ARHGEF3: variants seen among roughly 807,000 people sequenced by gnomAD.
ARHGEF3 encodes the protein Rho guanine nucleotide exchange factor 3, also known as 59.8 kDA protein.
A neutral mutation model predicts 63.2 loss-of-function variants in ARHGEF3; 28 were observed. The ratio of observed to expected loss-of-function variants is 0.44; its 90% CI spans 0.33 to 0.61. The LOEUF (loss-of-function observed/expected upper bound fraction) is 0.61, where lower values mean the gene tolerates loss of function less well. Ranked by LOEUF, ARHGEF3 falls within the 20% of genes least tolerant of loss-of-function variation. The pLI is 0.03. For missense variants in ARHGEF3, 533 were observed against 659.3 expected, an observed-to-expected ratio of 0.81 and a Z score of 2.10; for synonymous variants, 266 against 254.2, an observed-to-expected ratio of 1.05 and a Z score of -0.44.
chr3:57,067,454 A>AAATAATAAT (rs10528636), intron 1 of ARHGEF3, among the ~76,000 whole-genome samples: 24,336 of 140,230 alleles, frequency 0.17, 2,377 homozygotes, highest in East Asian at 0.42. Flanking sequence ...CTCTGTCTCA[A>AAATAATAAT]AATAATAATA....
intron 3 of ARHGEF3, among the ~76,000 whole-genome samples, chr3:56,894,336 T>C (rs2041229273): frequency 6.6e-6 from 1 of 152,220 alleles, no homozygotes; most frequent in Non-Finnish European, 1.5e-5. Context: ...AGATGCTTAA[T>C]AAAATATTGT....
At chr3:56,960,413 G>A (rs1001017964) in intron 2 of ARHGEF3, among the ~76,000 whole-genome samples, 1 of 152,140 alleles carries the variant, frequency 6.6e-6, no homozygotes, top group Admixed American at 6.5e-5. Flanking sequence ...CTCTGAACAC[G>A]AGGCTTAATT....
At chr3:57,038,449 TTTTG>T (rs765107764) in intron 1 of ARHGEF3, among the ~76,000 whole-genome samples, 6 of 152,056 alleles carry the variant, frequency 3.9e-5, no homozygotes, top group Non-Finnish European at 7.4e-5. Flanking sequence ...CATACCATTG[TTTTG>T]TTTGTTTTTA....
intron 3 of ARHGEF3, among the ~76,000 whole-genome samples, chr3:56,917,125 A>C (rs2042010181): frequency 6.6e-6 from 1 of 152,044 alleles, no homozygotes; most frequent in African/African-American, 2.4e-5. Context: ...CTTATAAAAA[A>C]CCCAGACCTC....
intron 4 of ARHGEF3, among the ~76,000 whole-genome samples, chr3:56,864,863 A>C (rs547473415): frequency 3.3e-5 from 5 of 152,308 alleles, no homozygotes; most frequent in Admixed American, 3.3e-4. Flanking sequence ...ACATATAATA[A>C]AATTTCAAAG....
intron 1 of ARHGEF3, among the ~76,000 whole-genome samples, chr3:56,791,927 G>T (rs9825165): frequency 0.013 from 1,970 of 152,034 alleles, 49 homozygotes; most frequent in African/African-American, 0.044. Flanking sequence ...AAGGCTCAAA[G>T]GAGATAATGC....
intron 4 of ARHGEF3, among the ~76,000 whole-genome samples, chr3:56,843,249 G>A (rs1302818580): frequency 2.0e-5 from 3 of 151,962 alleles, no homozygotes; most frequent in African/African-American, 4.8e-5. Context: ...TTAAATTTCT[G>A]TAACTCCATT....
chr3:56,786,818 A>G (rs1226123393), intron 1 of ARHGEF3, among the ~76,000 whole-genome samples: 1 of 152,080 alleles, frequency 6.6e-6, no homozygotes, highest in Non-Finnish European at 1.5e-5. Context: ...TTCCAAAGAG[A>G]TAATGGGGAA....
chr3:56,729,720 G>T, intron 9 of ARHGEF3, 98 bp from the exon 10 acceptor site: 2 of 1,007,332 alleles, frequency 2.0e-6, no homozygotes, highest in Non-Finnish European at 2.9e-6. Context: ...AGAATCCATG[G>T]CAGGTATTGC....
chr3:56,908,265 G>A (rs142678633), intron 3 of ARHGEF3, among the ~76,000 whole-genome samples: 48 of 152,302 alleles, frequency 3.2e-4, no homozygotes, highest in African/African-American at 8.2e-4. Flanking sequence ...AAGTGCCTTC[G>A]AAACTAAGAA....
chr3:56,793,170 ATTT>A (rs34139761), intron 1 of ARHGEF3, among the ~76,000 whole-genome samples: 6 of 132,120 alleles, frequency 4.5e-5, no homozygotes, highest in Admixed American at 7.6e-5. Flanking sequence ...GGCCCAGATA[ATTT>A]TTTTTTTTTT....
At chr3:56,795,791 G>A (rs1371882857) in intron 1 of ARHGEF3, among the ~76,000 whole-genome samples, 2 of 151,738 alleles carry the variant, frequency 1.3e-5, no homozygotes, top group African/African-American at 2.4e-5. Context: ...ACAGGTGTGT[G>A]CCACCACGCC....
intron 3 of ARHGEF3, among the ~76,000 whole-genome samples, chr3:56,941,238 C>T (rs558309103): frequency 5.3e-5 from 8 of 152,186 alleles, no homozygotes; most frequent in African/African-American, 1.2e-4. Flanking sequence ...GGCAGAGTCT[C>T]GCTCTGTCGC....
At chr3:56,962,463 G>A (rs577224759) in intron 2 of ARHGEF3, among the ~76,000 whole-genome samples, 5 of 152,318 alleles carry the variant, frequency 3.3e-5, no homozygotes, top group South Asian at 2.1e-4. Context: ...CTCCTCATGT[G>A]AGCAGGCTGT....
At position 56,926,579 on chromosome 3, in the gene ARHGEF3, T is replaced by TA. The variant is rs575587699; in HGVS notation, c.129+32243dup. On this transcript the variant is annotated intron_variant, in intron 3 of 12. Coordinates refer to the ARHGEF3 transcript ENST00000338458. ...TTTCCAACTCCCTCTCCTGGCTGAG[T>TA]AAGAAGTGAAATAAGTCTGCCCTTC... is the stretch of plus-strand genomic sequence containing the variant. Among the ~76,000 whole-genome samples the TA allele has an allele frequency of 1.4e-3, 218 of 152,302 alleles. 1 individual carries two copies. The highest frequency in any genetic ancestry group is 5.0e-3 in the African/African-American group (208 of 41,560).
Position 56,751,410 on chromosome 3 carries a change from G to C in ARHGEF3, c.439-14C>G. ...GTCATGATAGGCCTGCACAAAAACGGCAAGAGATGGAAGCACATGTTTAAA... is the reference window on the plus strand; with the variant it reads ...GTCATGATAGGCCTGCACAAAAACGCCAAGAGATGGAAGCACATGTTTAAA... On this transcript the variant is annotated splice_polypyrimidine_tract_variant and intron_variant, in intron 4 of 9. Coordinates refer to ENST00000296315, the MANE Select transcript of ARHGEF3 (RefSeq NM_019555.3). The C allele has an allele frequency of 1.3e-6, 2 of 1,599,050 alleles. No homozygotes were observed. Among genetic ancestry groups the C allele is most frequent in the Non-Finnish European group, 1.7e-6 (2 of 1,166,438 alleles).
Position 56,745,532 on chromosome 3 carries a change from T to G in ARHGEF3, c.613-70A>C, listed in dbSNP as rs940814297. 11 of 1,554,290 alleles carry G rather than the reference T, an allele frequency of 7.1e-6. 1 individual carries two copies. Among genetic ancestry groups the G allele is most frequent in the Middle Eastern group, 1.9e-4 (1 of 5,304 alleles). On this transcript the variant is annotated intron_variant, in intron 6 of 9. Coordinates refer to ENST00000296315, the MANE Select transcript of ARHGEF3 (RefSeq NM_019555.3). ...GAGCTCTGAGGCTACGGTGGCATCA[T>G]TTATTGGGACTGAACAAACACCTAA...
intron 1 of ARHGEF3, among the ~76,000 whole-genome samples, chr3:56,800,363 G>C (rs918713607): frequency 6.6e-6 from 1 of 152,174 alleles, no homozygotes; most frequent in Non-Finnish European, 1.5e-5. Context: ...TGACCAACCT[G>C]AATTCTATGC....
chr3:56,854,366 G>A (rs2039795591), intron 4 of ARHGEF3, among the ~76,000 whole-genome samples: 1 of 152,196 alleles, frequency 6.6e-6, no homozygotes, highest in Non-Finnish European at 1.5e-5. Context: ...ACACAAGCAT[G>A]CAGGGGCTGG....
Sources: allele counts gnomAD v4.1 joint callset (sites outside exome capture counted in the v4.1 genomes callset), GRCh38; gene constraint gnomAD v4.1.1; transcripts MANE v1.5; gene names NCBI Gene and HGNC (gene_info 2026-07-23, HGNC 2026-07-21).